IQSEC1: variants seen among roughly 807,000 people sequenced by gnomAD.
IQSEC1 encodes the protein IQ motif and SEC7 domain-containing protein 1.
A neutral mutation model predicts 91.0 loss-of-function variants in IQSEC1; 31 were observed. That is an observed-to-expected ratio of 0.34 (90% CI 0.26 to 0.46). The LOEUF is 0.46. IQSEC1 is among the 20% of genes least tolerant of loss of function. The probability of loss-of-function intolerance (pLI) is 1.00; values close to 1 mark genes in which losing one functional copy is unlikely to be tolerated. For missense variants in IQSEC1, 1,388 were observed against 1,575.6 expected (o/e 0.88, Z 2.02); for synonymous variants, 699 against 662.6 (o/e 1.05, Z -0.84).
chr3:13,240,681 G>A (rs1695006979), intron 1 of IQSEC1, among the ~76,000 whole-genome samples: 1 of 152,152 alleles, frequency 6.6e-6, no homozygotes, highest in African/African-American at 2.4e-5. Context: ...CACTCTGTAA[G>A]CTCTAACTCC....
At chr3:12,987,064 T>C in intron 1 of IQSEC1, 1 of 403,242 alleles carries the variant, frequency 2.5e-6, no homozygotes, top group Non-Finnish European at 4.9e-6. Context: ...ACAGATGAGC[T>C]CCCTCAGCCG....
At chr3:13,152,157 A>G (rs1229803454) in intron 2 of IQSEC1, among the ~76,000 whole-genome samples, 1 of 152,206 alleles carries the variant, frequency 6.6e-6, no homozygotes, top group Non-Finnish European at 1.5e-5. Context: ...TGCATCTTAG[A>G]TGCTTCTCTT....
At chr3:13,274,001 A>G (rs1456553357) in intron 1 of IQSEC1, among the ~76,000 whole-genome samples, 2 of 152,216 alleles carry the variant, frequency 1.3e-5, no homozygotes, top group Non-Finnish European at 2.9e-5. Context: ...CCCATAGCAG[A>G]GATGAAAAAT....
intron 1 of IQSEC1, among the ~76,000 whole-genome samples, chr3:13,017,642 C>T (rs1230338025): frequency 6.6e-6 from 1 of 152,174 alleles, no homozygotes; most frequent in Non-Finnish European, 1.5e-5. Context: ...ATAGTTAGCA[C>T]CTGGCACAGT....
At chr3:12,960,689 CA>C (rs1700190285) in intron 1 of IQSEC1, 1 of 152,234 alleles carries the variant, frequency 6.6e-6, no homozygotes. Context: ...TGGTTCCAAT[CA>C]GACAGGTATG....
chr3:13,074,259 A>C (rs1178276085), upstream of IQSEC1, among the ~76,000 whole-genome samples: 3 of 152,292 alleles, frequency 2.0e-5, no homozygotes, highest in South Asian at 6.2e-4. Context: ...GACTCGGATG[A>C]CGCAAGAAGC....
At chr3:13,095,578 C>A (rs1436925120) in intron 2 of IQSEC1, among the ~76,000 whole-genome samples, 3 of 152,072 alleles carry the variant, frequency 2.0e-5, no homozygotes, top group African/African-American at 7.2e-5. Flanking sequence ...CCCCTCCTTT[C>A]CCAGCCATCT....
At chr3:13,131,377 T>C (rs1706612912) in intron 2 of IQSEC1, among the ~76,000 whole-genome samples, 2 of 104,712 alleles carry the variant, frequency 1.9e-5, no homozygotes, top group Non-Finnish European at 3.7e-5. Context: ...AAGTGGTTCT[T>C]ACTTAAAAAA....
chr3:13,070,477 G>A (rs1705377022), intron 1 of IQSEC1, among the ~76,000 whole-genome samples: 1 of 152,218 alleles, frequency 6.6e-6, no homozygotes, highest in Admixed American at 6.5e-5. Context: ...CACACTGAAA[G>A]GCAGGGTAAC....
intron 2 of IQSEC1, among the ~76,000 whole-genome samples, chr3:13,088,155 A>G (rs1705768285): frequency 6.6e-6 from 1 of 152,020 alleles, no homozygotes; most frequent in African/African-American, 2.4e-5. Flanking sequence ...TGTTTCTCAC[A>G]CTGGATTAGT....
In IQSEC1 at chr3:12,924,193, G is replaced by A. The variant is rs182128941; in HGVS notation, c.1730+388C>T. ...CCAGGCCAGGGGAAGAGGCCCTGACGTCCAGCTGCCTGCTCCTGCCAGCCC... is the reference window on the plus strand; with the variant it reads ...CCAGGCCAGGGGAAGAGGCCCTGACATCCAGCTGCCTGCTCCTGCCAGCCC... On this transcript the variant is annotated intron_variant, in intron 4 of 13. Transcript: ENST00000613206. This position sits in a 1 kb window ranked among gnomAD's most constrained non-coding sequence, Gnocchi z 6.3. Among the ~76,000 whole-genome samples the A allele has an allele frequency of 4.5e-4, 68 of 152,280 alleles. 1 individual carries two copies. The South Asian group carries it at 0.012, about 27-fold the overall frequency.
At chr3:13,123,578 G>C (rs1267411478) in intron 2 of IQSEC1, among the ~76,000 whole-genome samples, 1 of 152,208 alleles carries the variant, frequency 6.6e-6, no homozygotes, top group African/African-American at 2.4e-5. Context: ...GAAATGATTG[G>C]CTGAAACTTT....
chr3:13,152,727 C>A (rs13059983), intron 2 of IQSEC1, among the ~76,000 whole-genome samples: 1 of 151,886 alleles, frequency 6.6e-6, no homozygotes, highest in Non-Finnish European at 1.5e-5. Flanking sequence ...AAAAATTAGC[C>A]GGGTGCGGTG....
rs375503431 is a variant in IQSEC1, at chr3:13,084,555, G to A, written c.303-37033C>T. Among the ~76,000 whole-genome samples, 31 of 152,300 alleles carry A rather than the reference G, an allele frequency of 2.0e-4. No homozygotes were observed. In the South Asian group the frequency reaches 5.8e-3, roughly 28 times the overall value. Reference sequence around the variant, plus strand: ...GAGGAGACGGACATCAGATGATGACGGGTGCCATGATGGCCCTGGGCACTC... The same window carrying A: ...GAGGAGACGGACATCAGATGATGACAGGTGCCATGATGGCCCTGGGCACTC... On this transcript the variant is annotated intron_variant, in intron 2 of 15. Coordinates refer to the IQSEC1 transcript ENST00000648114.
upstream of IQSEC1, among the ~76,000 whole-genome samples, chr3:13,076,653 C>G (rs2125122865): frequency 6.6e-6 from 1 of 152,312 alleles, no homozygotes; most frequent in African/African-American, 2.4e-5. Flanking sequence ...CCCCCCACCC[C>G]CGCTGCTCCG....
intron 1 of IQSEC1, among the ~76,000 whole-genome samples, chr3:13,257,342 C>A (rs1403705641): frequency 6.6e-6 from 1 of 152,226 alleles, no homozygotes; most frequent in East Asian, 1.9e-4. Flanking sequence ...AACATTCCGG[C>A]TAGGCAGGAC....
chr3:13,092,924 C>T (rs1297770137), intron 2 of IQSEC1, among the ~76,000 whole-genome samples: 1 of 152,156 alleles, frequency 6.6e-6, no homozygotes, highest in Non-Finnish European at 1.5e-5. Flanking sequence ...GAGCACTCTT[C>T]CCCCTCCCGT....
intron 2 of IQSEC1, among the ~76,000 whole-genome samples, chr3:13,080,465 C>T (rs1450457713): frequency 6.6e-6 from 1 of 152,012 alleles, no homozygotes; most frequent in Non-Finnish European, 1.5e-5. Flanking sequence ...TAACCCCTGC[C>T]CCCTTGTGAG....
In IQSEC1 at chr3:13,098,122, C is replaced by T. The variant is rs143998961; in HGVS notation, c.303-50600G>A. Among the ~76,000 whole-genome samples, 189 of 152,348 alleles carry T rather than the reference C, an allele frequency of 1.2e-3. 2 individuals are homozygous for T. The highest frequency in any genetic ancestry group is 4.3e-3 in the African/African-American group (179 of 41,578). ...TGACCCTAGGTCAGGTCTTCAGGTC[C>T]CCAGCAGACCCCAGCATTTCTTCAT... On this transcript the variant is annotated intron_variant, in intron 2 of 15. Coordinates refer to the IQSEC1 transcript ENST00000648114.
Sources: gnomAD v4.1 joint callset for allele counts (sites outside exome capture counted in the v4.1 genomes callset) on GRCh38, gnomAD v4.1.1 for gene constraint, Gnocchi (gnomAD v3.1) non-coding constraint, MANE v1.5 for transcripts, NCBI Gene and HGNC (gene_info 2026-07-23, HGNC 2026-07-21) for gene names.